The following CERS3 variants were observed in gnomAD, a reference collection of about 807,000 sequenced individuals.
The protein encoded by CERS3 is ceramide synthase 3, also known as LAG1 homolog, ceramide synthase 3.
Under a neutral mutation model 50.3 loss-of-function variants are expected in CERS3, and 33 were observed. The ratio of observed to expected loss-of-function variants is 0.66; its 90% CI spans 0.50 to 0.88. The LOEUF is 0.88. Ranked by LOEUF, CERS3 falls within the 40% of genes least tolerant of loss-of-function variation. The pLI, the probability that CERS3 is intolerant of heterozygous loss-of-function variation, is 0.00. For synonymous variants in CERS3, 176 were observed against 155.2 expected (o/e 1.13, Z -0.99); for missense variants, 470 against 460.3 (o/e 1.02, Z -0.19).
rs982795155 is a variant in CERS3, at chr15:100,402,474, G to T, written c.*239C>A. ...ATTAGAACTGAGACGGTTCTGTGGA[G>T]AAATCTTTGAAATCTTTGACCAGTC... On this transcript the variant is annotated 3_prime_UTR_variant, in exon 12 of 12. Coordinates refer to ENST00000679737, the MANE Select transcript of CERS3 (RefSeq NM_001378789.1). The T allele has an allele frequency of 7.9e-6, 4 of 507,878 alleles. No individual in the cohort carries two copies. Among genetic ancestry groups the T allele is most frequent in the African/African-American group, 3.9e-5 (2 of 51,470 alleles). 31.5% of individuals were successfully genotyped at this position (507,878 alleles called of 1,614,324 possible).
intron 11 of CERS3, among the ~76,000 whole-genome samples, chr15:100,436,835 G>A (rs746325509): frequency 5.3e-5 from 8 of 151,828 alleles, no homozygotes; most frequent in Non-Finnish European, 8.8e-5. Context: ...CTAAAATTAA[G>A]AGCTGAAAAG....
At chr15:100,520,403 G>A (rs1484800732) in intron 2 of CERS3, among the ~76,000 whole-genome samples, 7 of 152,120 alleles carry the variant, frequency 4.6e-5, no homozygotes, top group South Asian at 4.1e-4. Flanking sequence ...TGTGAATTCT[G>A]GAAGCCAAAG....
intron 11 of CERS3, among the ~76,000 whole-genome samples, chr15:100,416,288 C>A (rs1474724194): frequency 1.3e-5 from 2 of 152,100 alleles, no homozygotes; most frequent in African/African-American, 4.8e-5. Context: ...AAAGCAGACA[C>A]AGAAACAATG....
At chr15:100,515,289 T>G (rs1035659536) in intron 2 of CERS3, among the ~76,000 whole-genome samples, 4 of 152,206 alleles carry the variant, frequency 2.6e-5, no homozygotes, top group Admixed American at 6.5e-5. Flanking sequence ...ATTTTAACAA[T>G]TTCAGAGAAA....
intron 1 of CERS3, among the ~76,000 whole-genome samples, chr15:100,541,620 T>C (rs753690588): frequency 1.2e-4 from 18 of 152,208 alleles, no homozygotes; most frequent in Non-Finnish European, 2.6e-4. Context: ...GCCTGTTTCT[T>C]TGTTGGGTGC....
chr15:100,497,694 T>C (rs1312691750), intron 3 of CERS3, among the ~76,000 whole-genome samples: 5 of 152,216 alleles, frequency 3.3e-5, no homozygotes, highest in African/African-American at 9.6e-5. Flanking sequence ...TGGGTAAGTA[T>C]ACACATAGAT....
intron 11 of CERS3, among the ~76,000 whole-genome samples, chr15:100,408,117 C>T (rs1047855156): frequency 6.6e-6 from 1 of 152,102 alleles, no homozygotes; most frequent in Non-Finnish European, 1.5e-5. Context: ...AGTGATCCAC[C>T]CACCCTGGCC....
rs1156744153 is a variant in CERS3, at chr15:100,401,693, T to A, written c.*1020A>T. The A allele has an allele frequency of 6.6e-6, 1 of 152,246 alleles. No homozygotes were observed. Among genetic ancestry groups the A allele is most frequent in the Non-Finnish European group, 1.5e-5 (1 of 68,182 alleles). The allele number at this position is 152,246 out of a possible 1,614,324, so 9.4% of individuals were successfully genotyped here. On this transcript the variant is annotated 3_prime_UTR_variant, in exon 12 of 12. Transcript: ENST00000679737. ...TCCCCAGAGGCTCAGGCCTCCTGGGTGATGAGGCTCAGCAAGCAACCTGGC... is the reference window on the plus strand; with the variant it reads ...TCCCCAGAGGCTCAGGCCTCCTGGGAGATGAGGCTCAGCAAGCAACCTGGC...
chr15:100,454,387 CAAAAAA>C (rs59536958), intron 11 of CERS3, among the ~76,000 whole-genome samples: 1 of 111,472 alleles, frequency 9.0e-6, no homozygotes, highest in African/African-American at 3.3e-5. Context: ...AAGGCATTGT[CAAAAAA>C]AAAAAAAAAA....
In CERS3 at chr15:100,413,017, AT is replaced by A. The variant is rs199864987; in HGVS notation, c.1000-10153del. Reference sequence around the variant, plus strand: ...TGTGACTTTTGATAAAAATGCATAGATTTTTTTCATACTATCCATATAACCC... The same window carrying A: ...TGTGACTTTTGATAAAAATGCATAGATTTTTTCATACTATCCATATAACCC... On this transcript the variant is annotated intron_variant, in intron 11 of 11. Transcript: ENST00000679737. 4.4e-3 allele frequency among the ~76,000 whole-genome samples: 663 copies of A among 152,186 alleles called. 5 individuals are homozygous for A. Among genetic ancestry groups the A allele is most frequent in the African/African-American group, 0.015 (604 of 41,540 alleles).
intron 7 of CERS3, 66 bp downstream of exon 7, chr15:100,479,362 C>T: frequency 8.1e-7 from 1 of 1,236,666 alleles, no homozygotes; most frequent in South Asian, 1.3e-5. Flanking sequence ...CAAGACGTAA[C>T]TAAGGAGATA....
At chr15:100,491,323 T>A (rs191389166) in intron 3 of CERS3, among the ~76,000 whole-genome samples, 52 of 152,310 alleles carry the variant, frequency 3.4e-4, no homozygotes, top group African/African-American at 1.3e-3. Context: ...CCATTTCAAG[T>A]TCTAACATAC....
At chr15:100,538,576 G>T (rs192157242) in intron 1 of CERS3, among the ~76,000 whole-genome samples, 8 of 152,320 alleles carry the variant, frequency 5.3e-5, no homozygotes, top group Admixed American at 4.6e-4. Context: ...GCTCTATGTT[G>T]GTCCCTTTTA....
intron 11 of CERS3, among the ~76,000 whole-genome samples, chr15:100,439,218 A>G (rs571368886): frequency 6.6e-6 from 1 of 152,342 alleles, no homozygotes; most frequent in African/African-American, 2.4e-5. Flanking sequence ...GAAGGTTCTC[A>G]TTCATCAAAT....
chr15:100,509,042 T>G (rs1355697205), intron 2 of CERS3, among the ~76,000 whole-genome samples: 1 of 152,224 alleles, frequency 6.6e-6, no homozygotes, highest in Non-Finnish European at 1.5e-5. Flanking sequence ...GCCCCAGCTG[T>G]GTTTTTTGCT....
At chr15:100,450,719 T>C (rs74038790) in intron 11 of CERS3, among the ~76,000 whole-genome samples, 5,079 of 152,246 alleles carry the variant, frequency 0.033, 299 homozygotes, top group African/African-American at 0.11. Context: ...GATTCACAAA[T>C]AGACATGATT....
In CERS3 at chr15:100,479,406, G is replaced by A. The variant is rs779876993; in HGVS notation, c.516+22C>T. The A allele has an allele frequency of 5.9e-5, 93 of 1,563,870 alleles. 1 individual carries two copies. The highest frequency in any genetic ancestry group is 7.9e-5 in the Non-Finnish European group (91 of 1,144,824). On this transcript the variant is annotated intron_variant, in intron 7 of 11. Transcript: ENST00000679737. ...GATCTTGGTGTTCAAGTAAGGGGAG[G>A]AATATGTTATAGTGGACTTACCTGT...
At chr15:100,430,708 G>A (rs2033081840) in intron 11 of CERS3, among the ~76,000 whole-genome samples, 1 of 147,118 alleles carries the variant, frequency 6.8e-6, no homozygotes, top group Non-Finnish European at 1.5e-5. Context: ...AGCTTTCACT[G>A]TATGAAAAAA....
intron 11 of CERS3, among the ~76,000 whole-genome samples, chr15:100,446,820 T>A (rs969047099): frequency 6.6e-6 from 1 of 152,122 alleles, no homozygotes; most frequent in Non-Finnish European, 1.5e-5. Context: ...GAGGCCATGA[T>A]GGGAAGTGAG....
Sources: gnomAD v4.1 joint callset for allele counts (sites outside exome capture counted in the v4.1 genomes callset) on GRCh38, gnomAD v4.1.1 for gene constraint, MANE v1.5 for transcripts, NCBI Gene and HGNC (gene_info 2026-07-23, HGNC 2026-07-21) for gene names.